Variants in DGKG observed in about 807,000 individuals in gnomAD.
The protein encoded by DGKG is DAG kinase gamma.
In DGKG, 78 loss-of-function variants were observed where a neutral mutation model predicts 105.3. That is an observed-to-expected ratio of 0.74 (90% confidence interval 0.62 to 0.89). The LOEUF is 0.89. Ranked by LOEUF, DGKG falls within the 40% of genes least tolerant of loss-of-function variation. DGKG has a pLI of 0.00. For synonymous variants in DGKG, 346 were observed against 367.1 expected (o/e 0.94, Z 0.66); for missense variants, 958 against 1,020.1 (o/e 0.94, Z 0.83).
At chr3:186,194,187 T>A (rs1244248129) in intron 21 of DGKG, among the ~76,000 whole-genome samples, 2 of 152,240 alleles carry the variant, frequency 1.3e-5, no homozygotes, top group Non-Finnish European at 2.9e-5. Flanking sequence ...GGAAGGCAGG[T>A]GCACAGGTAA....
At chr3:186,177,807 C>A (rs1322871626) in intron 22 of DGKG, among the ~76,000 whole-genome samples, 1 of 152,144 alleles carries the variant, frequency 6.6e-6, no homozygotes, top group African/African-American at 2.4e-5. Context: ...ATGGTTTTGT[C>A]CCATAAGTAG....
At chr3:186,177,086 A>G (rs1331526195) in intron 22 of DGKG, among the ~76,000 whole-genome samples, 2 of 152,112 alleles carry the variant, frequency 1.3e-5, no homozygotes, top group African/African-American at 2.4e-5. Flanking sequence ...TTGACTCTCA[A>G]TTTGAGGCCT....
intron 20 of DGKG, among the ~76,000 whole-genome samples, chr3:186,230,279 CAAACA>C (rs1217470292): frequency 6.6e-6 from 1 of 152,076 alleles, no homozygotes; most frequent in African/African-American, 2.4e-5. Flanking sequence ...AACAAACAAA[CAAACA>C]AAACAACAAC....
chr3:186,278,556 C>A (rs9834264), intron 9 of DGKG, among the ~76,000 whole-genome samples: 17,846 of 152,118 alleles, frequency 0.12, 1,485 homozygotes, highest in African/African-American at 0.24. Context: ...CCACAAAGAT[C>A]TTTTCCAGCT....
In DGKG at chr3:186,149,858, A is replaced by C; in HGVS notation, c.*232T>G. Reference sequence around the variant, plus strand: ...CCACAACCTCATGGGCCCTAAGTCCATTCAAAATGTTTTGTTGGCACTGGC... The same window carrying C: ...CCACAACCTCATGGGCCCTAAGTCCCTTCAAAATGTTTTGTTGGCACTGGC... On this transcript the variant is annotated 3_prime_UTR_variant, in exon 25 of 25. Coordinates refer to ENST00000265022, the MANE Select transcript of DGKG (RefSeq NM_001346.3). 7.7e-7 allele frequency: 1 copy of C among 1,300,594 alleles called. No individual in the cohort carries two copies. The highest frequency in any genetic ancestry group is 3.3e-5 in the East Asian group (1 of 30,166). 80.6% of individuals were successfully genotyped at this position (1,300,594 alleles called of 1,614,324 possible).
chr3:186,195,523 G>T (rs561059229), intron 21 of DGKG, among the ~76,000 whole-genome samples: 1 of 152,178 alleles, frequency 6.6e-6, no homozygotes, highest in African/African-American at 2.4e-5. Context: ...ATTTATTGAA[G>T]AAATGGGTCA....
At chr3:186,259,851 C>T (rs959260722) in intron 16 of DGKG, among the ~76,000 whole-genome samples, 19 of 152,158 alleles carry the variant, frequency 1.2e-4, no homozygotes, top group African/African-American at 3.9e-4. Flanking sequence ...TCCCACCAGG[C>T]CTCTTTACAA....
chr3:186,351,483 T>C (rs1400884258), intron 1 of DGKG, among the ~76,000 whole-genome samples: 1 of 152,110 alleles, frequency 6.6e-6, no homozygotes, highest in African/African-American at 2.4e-5. Flanking sequence ...AGGATCCACG[T>C]TTCATTACAA....
At chr3:186,294,262 CATT>C (rs1723441798) in intron 5 of DGKG, among the ~76,000 whole-genome samples, 1 of 152,188 alleles carries the variant, frequency 6.6e-6, no homozygotes, top group South Asian at 2.1e-4. Context: ...ACCTCAGAAA[CATT>C]AGCCACTAAA....
intron 21 of DGKG, among the ~76,000 whole-genome samples, chr3:186,200,241 G>C (rs1718384370): frequency 2.0e-5 from 3 of 152,152 alleles, no homozygotes; most frequent in Non-Finnish European, 4.4e-5. Context: ...GGAGGAGTGT[G>C]GAGGATGCTC....
At position 186,188,384 on chromosome 3, in the gene DGKG, A is replaced by C. The variant is rs1184072781; in HGVS notation, c.1918-5T>G. 6.2e-7 allele frequency: 1 copy of C among 1,613,604 alleles called. No homozygotes were observed. The highest frequency in any genetic ancestry group is 1.1e-5 in the South Asian group (1 of 91,068). ...GTCCACCCCAACCCCATCACACTGG[A>C]GGACGGAGAGAAAAGGCCATCTGTT... On this transcript the variant is annotated splice_region_variant and splice_polypyrimidine_tract_variant and intron_variant, in intron 21 of 24. Transcript: ENST00000265022.
At chr3:186,302,405 T>C (rs1382164303) in intron 3 of DGKG, among the ~76,000 whole-genome samples, 1 of 149,316 alleles carries the variant, frequency 6.7e-6, no homozygotes, top group Non-Finnish European at 1.5e-5. Context: ...GATATATGTA[T>C]CTCCACTCAC....
At chr3:186,192,605 C>T (rs1405366883) in intron 21 of DGKG, among the ~76,000 whole-genome samples, 1 of 152,130 alleles carries the variant, frequency 6.6e-6, no homozygotes, top group Non-Finnish European at 1.5e-5. Context: ...CTCAAGGCTC[C>T]ACAGCTTCCT....
intron 20 of DGKG, among the ~76,000 whole-genome samples, chr3:186,215,566 A>G (rs1719245045): frequency 6.6e-6 from 1 of 152,168 alleles, no homozygotes. Context: ...AAAGAGAGGT[A>G]CAGACTGGAA....
chr3:186,313,361 T>C (rs1724653006), intron 2 of DGKG: 2 of 258,040 alleles, frequency 7.8e-6, no homozygotes, highest in Non-Finnish European at 1.2e-5. Context: ...GAAATTGGGG[T>C]CAATAGCAAT....
chr3:186,260,289 C>G (rs1721701173), intron 16 of DGKG, 150 bp downstream of exon 16: 3 of 648,374 alleles, frequency 4.6e-6, no homozygotes, highest in Non-Finnish European at 8.2e-6. Context: ...GAGTCAGAGT[C>G]AGACGTGAGA....
At chr3:186,265,041 C>G (rs1721976200) in intron 14 of DGKG, among the ~76,000 whole-genome samples, 1 of 152,246 alleles carries the variant, frequency 6.6e-6, no homozygotes, top group Non-Finnish European at 1.5e-5. Context: ...TGGGATCAGT[C>G]AACCTTTCCT....
At chr3:186,315,010 A>C (rs1724748092) in intron 2 of DGKG, among the ~76,000 whole-genome samples, 1 of 152,194 alleles carries the variant, frequency 6.6e-6, no homozygotes, top group African/African-American at 2.4e-5. Context: ...GAAGAGGGTC[A>C]GTAGGCGGCA....
chr3:186,300,730 A>G (rs1723880195), intron 3 of DGKG, among the ~76,000 whole-genome samples: 1 of 152,250 alleles, frequency 6.6e-6, no homozygotes, highest in African/African-American at 2.4e-5. Context: ...TGGAAAGCAG[A>G]CTGTACTAAA....
Sources: gnomAD v4.1 joint callset for allele counts (sites outside exome capture counted in the v4.1 genomes callset) on GRCh38, gnomAD v4.1.1 for gene constraint, MANE v1.5 for transcripts, NCBI Gene and HGNC (gene_info 2026-07-23, HGNC 2026-07-21) for gene names.